Variants in NPIPA5 observed in about 807,000 individuals in gnomAD.
The protein encoded by NPIPA5 is nuclear pore complex-interacting protein family member A5.
NPIPA5 carries 6 observed loss-of-function variants against 21.4 expected under a neutral mutation model. The observed-to-expected ratio is 0.28, with a 90% confidence interval of 0.15 to 0.55. The LOEUF (loss-of-function observed/expected upper bound fraction) is 0.55, where lower values mean the gene tolerates loss of function less well. Among genes scored for constraint, NPIPA5 ranks in the 20% least tolerant of loss-of-function variants. The probability of loss-of-function intolerance (pLI) is 0.93; values close to 1 mark genes in which losing one functional copy is unlikely to be tolerated. For synonymous variants in NPIPA5, 33 were observed against 115.3 expected, an observed-to-expected ratio of 0.29 and a Z score of 4.57; for missense variants, 99 against 318.2, an observed-to-expected ratio of 0.31 and a Z score of 5.24.
intron 4 of NPIPA5, among the ~76,000 whole-genome samples, chr16:15,369,023 C>CA (rs1369945715): frequency 1.4e-5 from 2 of 141,784 alleles, no homozygotes; most frequent in African/African-American, 2.6e-5. Context: ...AATGTGGTGG[C>CA]ACACACCTGT....
At chr16:15,377,617 T>C (rs1261311112) in intron 1 of NPIPA5, among the ~76,000 whole-genome samples, 6 of 107,994 alleles carry the variant, frequency 5.6e-5, no homozygotes, top group Non-Finnish European at 7.5e-5. Context: ...CGGGGCCGGA[T>C]CTGAGTTGGG....
upstream of NPIPA5, among the ~76,000 whole-genome samples, chr16:15,379,293 G>T (rs1031654025): frequency 6.6e-6 from 1 of 152,230 alleles, no homozygotes; most frequent in Admixed American, 6.5e-5. Context: ...ACAGGGGCTG[G>T]GTGTGGTGGC....
At chr16:15,367,480 A>T (rs555038544) in intron 4 of NPIPA5, among the ~76,000 whole-genome samples, 1 of 152,116 alleles carries the variant, frequency 6.6e-6, no homozygotes, top group Non-Finnish European at 1.5e-5. Flanking sequence ...ACTGACTTTA[A>T]CAAGGTTCAG....
At chr16:15,379,817 T>C (rs2925564), upstream of NPIPA5, among the ~76,000 whole-genome samples, 7 of 151,336 alleles carry the variant, frequency 4.6e-5, no homozygotes, top group African/African-American at 7.3e-5. Flanking sequence ...TGGTGGCGCA[T>C]ACCTGTAGTC....
At chr16:15,381,554 T>C, upstream of NPIPA5, 6 of 215,194 alleles carry the variant, frequency 2.8e-5, no homozygotes, top group Non-Finnish European at 4.8e-5. Context: ...ACTTGTCGAA[T>C]CAATGCATGT....
chr16:15,374,103 G>C (rs1389302272), intron 1 of NPIPA5, among the ~76,000 whole-genome samples: 3 of 143,418 alleles, frequency 2.1e-5, no homozygotes, highest in Non-Finnish European at 4.6e-5. Flanking sequence ...CCAATCTTTT[G>C]ACTTCCCTGC....
chr16:15,366,826 G>A lies in NPIPA5; in HGVS notation c.438-66C>T. On this transcript the variant is annotated intron_variant, in intron 4 of 7. Coordinates refer to ENST00000360151, the MANE Select transcript of NPIPA5 (RefSeq NM_001277325.2). The stretch of plus-strand genomic sequence containing the variant: ...GTGTGGGATTCCCTCTGCCCTTCTG[G>A]CATCTGAAGGCTGTGATTCAAAGAT... 5 of 1,511,718 alleles carry A rather than the reference G, an allele frequency of 3.3e-6. No homozygotes were observed. In the East Asian group the frequency reaches 7.3e-5, roughly 22 times the overall value. 93.6% of individuals were successfully genotyped at this position (1,511,718 alleles called of 1,614,324 possible). A position where few individuals can be genotyped will look rare whatever the true frequency, so the allele number is the denominator to read the frequency against.
At chr16:15,367,067 T>C (rs2049995566) in intron 4 of NPIPA5, among the ~76,000 whole-genome samples, 2 of 152,152 alleles carry the variant, frequency 1.3e-5, no homozygotes, top group Admixed American at 1.3e-4. Context: ...TGTGCGTCTC[T>C]GGGGTCAGTC....
chr16:15,363,797 G>A lies in NPIPA5; in HGVS notation c.915C>T (p.Leu305=). 8.2e-6 allele frequency: 11 copies of A among 1,347,480 alleles called. No homozygotes were observed. Among genetic ancestry groups the A allele is most frequent in the Non-Finnish European group, 1.1e-5 (11 of 1,017,720 alleles). The allele number at this position is 1,347,480 out of a possible 1,614,324, so 83.5% of individuals were successfully genotyped here. A position where few individuals can be genotyped will look rare whatever the true frequency, so the allele number is the denominator to read the frequency against. Residue 305 remains leucine (L), a synonymous_variant, in exon 8 of 8, where the codon CTC becomes CTT. Transcript: ENST00000360151. ...TGAGCAGACACTCGGCAGGTGTCTTGAGATTATCATCCGCTGAGGGTAGAG... is the reference window on the plus strand; with the variant it reads ...TGAGCAGACACTCGGCAGGTGTCTTAAGATTATCATCCGCTGAGGGTAGAG... ...PSALPSADDN[L]KTPAECLLTP...
At chr16:15,376,043 G>T (rs2050282691) in intron 1 of NPIPA5, among the ~76,000 whole-genome samples, 1 of 151,878 alleles carries the variant, frequency 6.6e-6, no homozygotes, top group South Asian at 2.1e-4. Flanking sequence ...GGAAATGATG[G>T]AGTTAGAGAA....
chr16:15,372,354 G>A (rs1183188055), intron 2 of NPIPA5, among the ~76,000 whole-genome samples: 1 of 148,012 alleles, frequency 6.8e-6, no homozygotes, highest in Non-Finnish European at 1.5e-5. Flanking sequence ...GCATGGTCGT[G>A]GGCACCTGTA....
At chr16:15,377,713 G>GGGGGA (rs2050343898) in intron 1 of NPIPA5, among the ~76,000 whole-genome samples, 1 of 89,832 alleles carries the variant, frequency 1.1e-5, no homozygotes, top group African/African-American at 3.8e-5. Context: ...GGGGCTGTTG[G>GGGGGA]GGAGGAGGAG....
At chr16:15,381,050 G>T, upstream of NPIPA5, 4 of 1,527,584 alleles carry the variant, frequency 2.6e-6, no homozygotes, top group Non-Finnish European at 3.5e-6. Context: ...TTCACCATTT[G>T]CAGAATGAGA....
At chr16:15,370,942 G>A (rs1374079564) in intron 2 of NPIPA5, among the ~76,000 whole-genome samples, 1 of 132,594 alleles carries the variant, frequency 7.5e-6, no homozygotes, top group East Asian at 2.3e-4. Context: ...AGCTACTCCG[G>A]AGGCTGAGGC....
Position 15,363,722 on chromosome 16 carries a change from T to G in NPIPA5, c.990A>C (p.Thr330=), listed in dbSNP as rs756778056. ...APPSADDNLK[T]PPECVCSLPF... is the part of the protein sequence containing the mutation. Reference sequence around the variant, plus strand: ...GGAGTGAGCAGACACACTCGGGAGGTGTCTTGAGATTATCATCCGCTGAGG... The same window carrying G: ...GGAGTGAGCAGACACACTCGGGAGGGGTCTTGAGATTATCATCCGCTGAGG... Residue 330 remains threonine, a synonymous_variant, in exon 8 of 8, where the codon ACA becomes ACC. Coordinates refer to ENST00000360151, the MANE Select transcript of NPIPA5 (RefSeq NM_001277325.2). 4.1e-5 allele frequency: 59 copies of G among 1,433,490 alleles called. 5 individuals are homozygous for G. The Middle Eastern group carries it at 7.7e-4, about 19-fold the overall frequency. The allele number at this position is 1,433,490 out of a possible 1,614,324, so 88.8% of individuals were successfully genotyped here.
chr16:15,368,495 C>G (rs2050044682), intron 4 of NPIPA5, among the ~76,000 whole-genome samples: 1 of 151,852 alleles, frequency 6.6e-6, no homozygotes, highest in African/African-American at 2.4e-5. Flanking sequence ...AGTCATATGG[C>G]AGCAAAATAC....
chr16:15,374,466 G>C lies in NPIPA5; in HGVS notation c.64-623C>G, dbSNP rs982475523. 1.6e-4 allele frequency among the ~76,000 whole-genome samples: 24 copies of C among 151,638 alleles called. 1 individual carries two copies. Among genetic ancestry groups the C allele is most frequent in the African/African-American group, 5.6e-4 (23 of 41,192 alleles). ...CTGCCTCGGCCTCCCAAAGTGCTGGGATTACAGGTGTGAGCCACCGTGCCC... is the reference window on the plus strand; with the variant it reads ...CTGCCTCGGCCTCCCAAAGTGCTGGCATTACAGGTGTGAGCCACCGTGCCC... On this transcript the variant is annotated intron_variant, in intron 1 of 7. Transcript: ENST00000360151.
chr16:15,380,210 T>A (rs1159484990), upstream of NPIPA5, among the ~76,000 whole-genome samples: 1 of 152,074 alleles, frequency 6.6e-6, no homozygotes, highest in Non-Finnish European at 1.5e-5. Flanking sequence ...TTAATTCTTT[T>A]ATTCAAAATT....
At chr16:15,370,534 C>G (rs1373207459) in intron 2 of NPIPA5, among the ~76,000 whole-genome samples, 1 of 145,736 alleles carries the variant, frequency 6.9e-6, no homozygotes, top group Non-Finnish European at 1.5e-5. Context: ...GGCGGAACAC[C>G]TGAGGTCGGG....
Sources: gnomAD v4.1 joint callset for allele counts (sites outside exome capture counted in the v4.1 genomes callset) on GRCh38, gnomAD v4.1.1 for gene constraint, MANE v1.5 for transcripts, NCBI Gene and HGNC (gene_info 2026-07-23, HGNC 2026-07-21) for gene names.